AUTS2: variants seen among roughly 807,000 people sequenced by gnomAD.
AUTS2 encodes activator of transcription and developmental regulator AUTS2.
A neutral mutation model predicts 112.4 loss-of-function variants in AUTS2; 17 were observed. That is an observed-to-expected ratio of 0.15 (90% confidence interval 0.10 to 0.23). The LOEUF (loss-of-function observed/expected upper bound fraction) is 0.23, where lower values mean the gene tolerates loss of function less well. AUTS2 is among the 10% of genes least tolerant of loss of function. The probability of loss-of-function intolerance (pLI) is 1.00; values close to 1 mark genes in which losing one functional copy is unlikely to be tolerated. For synonymous variants in AUTS2, 751 were observed against 702.7 expected, an observed-to-expected ratio of 1.07 and a Z score of -1.09; for missense variants, 1,510 against 1,701.6, an observed-to-expected ratio of 0.89 and a Z score of 1.98.
Position 69,817,462 on chromosome 7 carries a change from A to C in AUTS2, c.310-81824A>C, listed in dbSNP as rs569828386. 2.4e-4 allele frequency among the ~76,000 whole-genome samples: 36 copies of C among 152,280 alleles called. No individual in the cohort carries two copies. The East Asian group carries it at 6.2e-3, about 26-fold the overall frequency. Reference sequence around the variant, plus strand: ...GAGTATGTCTGGCTAAGGGAACCTTAGTGGTCATTTGGGATTATAAGACCT... The same window carrying C: ...GAGTATGTCTGGCTAAGGGAACCTTCGTGGTCATTTGGGATTATAAGACCT... On this transcript the variant is annotated intron_variant, in intron 1 of 18. Transcript: ENST00000342771.
intron 6 of AUTS2, among the ~76,000 whole-genome samples, chr7:70,760,003 A>G (rs1789456089): frequency 6.6e-6 from 1 of 152,158 alleles, no homozygotes; most frequent in Non-Finnish European, 1.5e-5. Flanking sequence ...GAGTAATACA[A>G]AAAGATTTTT....
intron 2 of AUTS2, among the ~76,000 whole-genome samples, chr7:70,057,072 A>T (rs1345970921): frequency 6.6e-6 from 1 of 152,128 alleles, no homozygotes; most frequent in Non-Finnish European, 1.5e-5. Flanking sequence ...GCCAGGTCTC[A>T]GGGGCCATGT....
At position 70,022,857 on chromosome 7, in the gene AUTS2, T is replaced by TC. The variant is rs1376727191; in HGVS notation, c.523-95275_523-95274insC. Among the ~76,000 whole-genome samples, 14 of 141,518 alleles carry TC rather than the reference T, an allele frequency of 9.9e-5. No individual in the cohort carries two copies. The East Asian group carries it at 2.7e-3, about 28-fold the overall frequency. The allele number at this position is 141,518 out of a possible 152,430, so 92.8% of individuals were successfully genotyped here. On this transcript the variant is annotated intron_variant, in intron 2 of 18. Transcript: ENST00000342771. The stretch of plus-strand genomic sequence containing the variant: ...GTGATACCATCTTTTTGAATTAAAT[T>TC]AATTTTTTTTTTTAAATAAGGTCTT...
chr7:70,114,978 G>A (rs1168492270), intron 2 of AUTS2, among the ~76,000 whole-genome samples: 1 of 152,170 alleles, frequency 6.6e-6, no homozygotes, highest in Non-Finnish European at 1.5e-5. Flanking sequence ...GGCTTTGGAG[G>A]AGAAGGGGGT....
chr7:70,349,393 T>C (rs1459128619), intron 4 of AUTS2, among the ~76,000 whole-genome samples: 2 of 152,200 alleles, frequency 1.3e-5, no homozygotes, highest in African/African-American at 4.8e-5. Flanking sequence ...GGATAAATGA[T>C]ATTTGGAACA....
intron 4 of AUTS2, among the ~76,000 whole-genome samples, chr7:70,397,707 G>T (rs897495153): frequency 6.6e-6 from 1 of 151,924 alleles, no homozygotes; most frequent in East Asian, 1.9e-4. Context: ...CTCCTAGTTT[G>T]TGGGTTCTTT....
At chr7:69,633,512 G>C (rs1454783383) in intron 1 of AUTS2, among the ~76,000 whole-genome samples, 1 of 152,074 alleles carries the variant, frequency 6.6e-6, no homozygotes, top group Non-Finnish European at 1.5e-5. Flanking sequence ...AATTTCTTTA[G>C]AAACCTCCAT....
At chr7:70,549,718 C>T (rs1280068320) in intron 5 of AUTS2, among the ~76,000 whole-genome samples, 2 of 152,152 alleles carry the variant, frequency 1.3e-5, no homozygotes, top group Non-Finnish European at 2.9e-5. Flanking sequence ...AAAGCCACTT[C>T]GCATTGACTC....
At chr7:69,953,132 A>G (rs1394457024) in intron 2 of AUTS2, among the ~76,000 whole-genome samples, 1 of 152,164 alleles carries the variant, frequency 6.6e-6, no homozygotes, top group African/African-American at 2.4e-5. Context: ...TTTGATAAGA[A>G]TCTGTTAAGA....
At chr7:70,069,001 C>G (rs920754125) in intron 2 of AUTS2, among the ~76,000 whole-genome samples, 1 of 152,188 alleles carries the variant, frequency 6.6e-6, no homozygotes, top group East Asian at 1.9e-4. Context: ...CATCTTAATG[C>G]GTCCATATAA....
At chr7:70,430,166 T>G (rs1795594253) in intron 4 of AUTS2, among the ~76,000 whole-genome samples, 1 of 152,034 alleles carries the variant, frequency 6.6e-6, no homozygotes, top group Non-Finnish European at 1.5e-5. Flanking sequence ...GGAAGATAAG[T>G]CCGCTCAAGG....
At chr7:70,681,424 G>A (rs1808201141) in intron 5 of AUTS2, among the ~76,000 whole-genome samples, 1 of 152,146 alleles carries the variant, frequency 6.6e-6, no homozygotes, top group African/African-American at 2.4e-5. Flanking sequence ...AGAGGCTTGG[G>A]ATGGCTCTGG....
intron 4 of AUTS2, among the ~76,000 whole-genome samples, chr7:70,340,761 C>T (rs187058399): frequency 2.0e-5 from 3 of 152,316 alleles, no homozygotes; most frequent in East Asian, 1.9e-4. Flanking sequence ...TTCATTCCAT[C>T]GAGAGAAGTT....
intron 6 of AUTS2, among the ~76,000 whole-genome samples, chr7:70,758,830 G>A (rs745811485): frequency 6.6e-6 from 1 of 152,194 alleles, no homozygotes; most frequent in Non-Finnish European, 1.5e-5. Context: ...AGATGGAAAA[G>A]CTTAACTGGG....
chr7:70,394,136 T>C (rs1326097306), intron 4 of AUTS2, among the ~76,000 whole-genome samples: 1 of 152,144 alleles, frequency 6.6e-6, no homozygotes, highest in Non-Finnish European at 1.5e-5. Context: ...GCATGTGTTA[T>C]GTGTATTTGT....
intron 4 of AUTS2, among the ~76,000 whole-genome samples, chr7:70,272,119 C>A (rs1787721132): frequency 6.6e-6 from 1 of 151,926 alleles, no homozygotes; most frequent in African/African-American, 2.4e-5. Context: ...TTAATAATTC[C>A]TCAGATATGA....
chr7:70,691,207 C>T (rs556054703), intron 5 of AUTS2, among the ~76,000 whole-genome samples: 1 of 152,164 alleles, frequency 6.6e-6, no homozygotes, highest in East Asian at 1.9e-4. Flanking sequence ...GAAATTGAGT[C>T]CACATTCTTG....
At chr7:70,493,425 A>G (rs908376073) in intron 5 of AUTS2, among the ~76,000 whole-genome samples, 3 of 152,200 alleles carry the variant, frequency 2.0e-5, no homozygotes, top group African/African-American at 7.2e-5. Flanking sequence ...CCAAGCAACA[A>G]AGTGAAACCT....
At chr7:70,417,575 T>C (rs1050369729) in intron 4 of AUTS2, among the ~76,000 whole-genome samples, 4 of 152,228 alleles carry the variant, frequency 2.6e-5, no homozygotes, top group African/African-American at 9.7e-5. Flanking sequence ...AAACCGTTAC[T>C]TACATGTTCC....
Sources: gnomAD v4.1 joint callset for allele counts (sites outside exome capture counted in the v4.1 genomes callset) on GRCh38, gnomAD v4.1.1 for gene constraint, MANE v1.5 for transcripts, NCBI Gene and HGNC (gene_info 2026-07-23, HGNC 2026-07-21) for gene names.